The following CAST variants were observed in gnomAD, a reference collection of about 807,000 sequenced individuals.
CAST encodes the protein calpastatin, also known as MIR583 host.
In CAST, 76 loss-of-function variants were observed where a neutral mutation model predicts 119.6. The observed-to-expected ratio is 0.64, with a 90% CI of 0.53 to 0.77. The LOEUF (loss-of-function observed/expected upper bound fraction) is 0.77, where lower values mean the gene tolerates loss of function less well. Among genes scored for constraint, CAST ranks in the 30% least tolerant of loss-of-function variants. CAST has a pLI of 0.00. For missense variants in CAST, 953 were observed against 946.5 expected (o/e 1.01, Z -0.09); for synonymous variants, 319 against 331.6 (o/e 0.96, Z 0.41).
At chr5:96,030,651 G>A in the CAST span, among the ~76,000 whole-genome samples, 2 of 152,162 alleles carry the variant, frequency 1.3e-5, no homozygotes, top group Non-Finnish European at 2.9e-5. Flanking sequence ...GGGTAAGGGG[G>A]AAGAGGTTAC....
intron 1 of CAST, among the ~76,000 whole-genome samples, chr5:96,572,619 G>C (rs569527902): frequency 6.6e-6 from 1 of 152,170 alleles, no homozygotes; most frequent in African/African-American, 2.4e-5. Flanking sequence ...ATTTAATGAC[G>C]CTTTAGTGTT....
the CAST span, among the ~76,000 whole-genome samples, chr5:96,395,810 G>A: frequency 6.8e-6 from 1 of 146,600 alleles, no homozygotes; most frequent in African/African-American, 2.6e-5. Context: ...AATAAAAGAG[G>A]TCTATAAAGT....
the CAST span, among the ~76,000 whole-genome samples, chr5:96,022,799 C>CAGT: frequency 6.6e-6 from 1 of 152,120 alleles, no homozygotes; most frequent in Non-Finnish European, 1.5e-5. Flanking sequence ...GAAACTGAGG[C>CAGT]AGTAGTTGAT....
intron 1 of CAST, among the ~76,000 whole-genome samples, chr5:96,594,049 C>T (rs899930430): frequency 2.6e-5 from 4 of 152,188 alleles, no homozygotes; most frequent in Admixed American, 2.0e-4. Flanking sequence ...CAGCAAGACT[C>T]AAAATTATAG....
At chr5:96,316,023 A>G in the CAST span, among the ~76,000 whole-genome samples, 1 of 152,056 alleles carries the variant, frequency 6.6e-6, no homozygotes, top group Non-Finnish European at 1.5e-5. Flanking sequence ...GAAAAACAAA[A>G]CCCACCCAGC....
chr5:96,269,363 G>T, the CAST span, among the ~76,000 whole-genome samples: 1,406 of 152,180 alleles, frequency 9.2e-3, 27 homozygotes, highest in African/African-American at 0.033. Context: ...TACAATAAAA[G>T]TAGGGGATTC....
intron 1 of CAST, among the ~76,000 whole-genome samples, chr5:96,643,383 A>T (rs1747976309): frequency 6.6e-6 from 1 of 152,220 alleles, no homozygotes; most frequent in South Asian, 2.1e-4. Flanking sequence ...CAGAAAAGTT[A>T]GTAGTTGTTT....
chr5:96,502,385 A>G, the CAST span, among the ~76,000 whole-genome samples: 2 of 152,122 alleles, frequency 1.3e-5, no homozygotes, highest in African/African-American at 4.8e-5. Context: ...TCAGGACAGG[A>G]CTGAGTTCAT....
At chr5:96,702,370 A>G (rs1561489226) in intron 3 of CAST, among the ~76,000 whole-genome samples, 1 of 152,318 alleles carries the variant, frequency 6.6e-6, no homozygotes. Context: ...GTAATATACT[A>G]TAATATAAAG....
the CAST span, among the ~76,000 whole-genome samples, chr5:95,999,408 G>C: frequency 6.6e-6 from 1 of 152,118 alleles, no homozygotes; most frequent in African/African-American, 2.4e-5. Flanking sequence ...AGATTTGCTT[G>C]GTGTGATCAT....
the CAST span, among the ~76,000 whole-genome samples, chr5:96,088,761 G>T: frequency 6.6e-6 from 1 of 152,056 alleles, no homozygotes; most frequent in East Asian, 1.9e-4. Flanking sequence ...CTGATGTATT[G>T]TCCCTCCCCA....
At chr5:95,962,379 A>C in the CAST span, among the ~76,000 whole-genome samples, 2 of 152,252 alleles carry the variant, frequency 1.3e-5, no homozygotes, top group African/African-American at 4.8e-5. Context: ...GGGAGGACGC[A>C]GCAGGAGGAC....
At chr5:96,484,166 G>T in the CAST span, among the ~76,000 whole-genome samples, 25 of 152,156 alleles carry the variant, frequency 1.6e-4, no homozygotes, top group Admixed American at 1.2e-3. Flanking sequence ...ACAACTCTCT[G>T]GTTCTGATGA....
chr5:96,192,774 C>A, the CAST span, among the ~76,000 whole-genome samples: 2 of 152,180 alleles, frequency 1.3e-5, no homozygotes, highest in African/African-American at 4.8e-5. Flanking sequence ...CCCTTAAGAA[C>A]CACTGTGTTT....
the CAST span, among the ~76,000 whole-genome samples, chr5:96,283,215 C>T: frequency 1.3e-5 from 2 of 151,780 alleles, no homozygotes; most frequent in African/African-American, 2.4e-5. Context: ...AGGGACTGGG[C>T]TCCATTTATT....
At chr5:96,171,468 C>T in the CAST span, among the ~76,000 whole-genome samples, 1 of 152,024 alleles carries the variant, frequency 6.6e-6, no homozygotes, top group African/African-American at 2.4e-5. Context: ...AGCAGGCGTC[C>T]CTGCAATTGA....
chr5:96,734,329 G>C (rs1761203218), intron 9 of CAST, among the ~76,000 whole-genome samples: 1 of 152,172 alleles, frequency 6.6e-6, no homozygotes, highest in Non-Finnish European at 1.5e-5. Context: ...AACAGATGGG[G>C]TGATGCAATT....
intron 2 of CAST, chr5:96,679,727 G>C (rs895318954): frequency 2.6e-5 from 4 of 152,072 alleles, no homozygotes; most frequent in Non-Finnish European, 5.9e-5. Flanking sequence ...GGCATTGGTG[G>C]CATGCTTTTC....
chr5:96,501,077 C>T, the CAST span, among the ~76,000 whole-genome samples: 1 of 152,116 alleles, frequency 6.6e-6, no homozygotes, highest in Non-Finnish European at 1.5e-5. Context: ...AGGTAGAGTG[C>T]CTGGCTGAGG....
Sources: gnomAD v4.1 joint callset for allele counts (sites outside exome capture counted in the v4.1 genomes callset) on GRCh38, gnomAD v4.1.1 for gene constraint, MANE v1.5 for transcripts, NCBI Gene and HGNC (gene_info 2026-07-23, HGNC 2026-07-21) for gene names.